BICD1: variants seen among roughly 807,000 people sequenced by gnomAD.
BICD1 encodes the protein protein bicaudal D homolog 1.
BICD1 carries 35 observed loss-of-function variants against 92.5 expected under a neutral mutation model. The ratio of observed to expected loss-of-function variants is 0.38; its 90% CI spans 0.29 to 0.50. The LOEUF is 0.50. Among genes scored for constraint, BICD1 ranks in the 20% least tolerant of loss-of-function variants. The pLI, the probability that BICD1 is intolerant of heterozygous loss-of-function variation, is 0.93. For missense variants in BICD1, 950 were observed against 1,189.8 expected (o/e 0.80, Z 2.97); for synonymous variants, 429 against 465.1 (o/e 0.92, Z 1.00).
intron 1 of BICD1, among the ~76,000 whole-genome samples, chr12:32,131,265 T>A (rs1723969610): frequency 6.6e-6 from 1 of 152,218 alleles, no homozygotes; most frequent in Non-Finnish European, 1.5e-5. Context: ...AAAGTGTGAT[T>A]TTTTTAAAAA....
intron 2 of BICD1, among the ~76,000 whole-genome samples, chr12:32,270,361 T>C (rs1177715214): frequency 1.3e-5 from 2 of 152,146 alleles, no homozygotes; most frequent in South Asian, 2.1e-4. Flanking sequence ...ATCAGTTTCA[T>C]TTTTTCTGGA....
intron 3 of BICD1, among the ~76,000 whole-genome samples, chr12:32,300,946 C>T (rs1209650515): frequency 2.6e-5 from 4 of 152,218 alleles, no homozygotes; most frequent in South Asian, 2.1e-4. Flanking sequence ...TCACTGCGCC[C>T]GGCCCAACTT....
intron 1 of BICD1, among the ~76,000 whole-genome samples, chr12:32,167,049 T>C (rs2121513332): frequency 6.6e-6 from 1 of 152,354 alleles, no homozygotes; most frequent in South Asian, 2.1e-4. Flanking sequence ...ATTTTAAATT[T>C]TTCCACCATA....
chr12:32,134,099 A>AAC (rs1487838178), intron 1 of BICD1, among the ~76,000 whole-genome samples: 7 of 152,136 alleles, frequency 4.6e-5, no homozygotes, highest in Non-Finnish European at 7.4e-5. Context: ...GTACTTTTTA[A>AAC]ACCAAAGTTA....
intron 1 of BICD1, among the ~76,000 whole-genome samples, chr12:32,205,480 A>G (rs1192692452): frequency 1.3e-5 from 2 of 151,986 alleles, no homozygotes; most frequent in African/African-American, 2.4e-5. Flanking sequence ...ATTATTTCCT[A>G]CAGATCTGCA....
At chr12:32,166,765 T>C (rs892680692) in intron 1 of BICD1, among the ~76,000 whole-genome samples, 11 of 152,190 alleles carry the variant, frequency 7.2e-5, no homozygotes, top group African/African-American at 1.7e-4. Context: ...CTGTACCGTA[T>C]GTAGTCCCAG....
At chr12:32,243,741 T>A (rs1946298744) in intron 2 of BICD1, among the ~76,000 whole-genome samples, 1 of 152,192 alleles carries the variant, frequency 6.6e-6, no homozygotes, top group Non-Finnish European at 1.5e-5. Flanking sequence ...GAGTGCCCTT[T>A]AAGCAGAGAA....
rs548757188 is a variant in BICD1, at chr12:32,114,977, T to C, written c.213+7433T>C. Among the ~76,000 whole-genome samples, 23 of 152,316 alleles carry C rather than the reference T, an allele frequency of 1.5e-4. No homozygotes were observed. The East Asian group carries it at 4.2e-3, about 28-fold the overall frequency. On this transcript the variant is annotated intron_variant, in intron 1 of 9. Transcript: ENST00000652176. ...AATCTTATTTAATCTTTATTGAAGA[T>C]GCATTAGCATTTTTAATTTAAGTGG...
chr12:32,147,163 C>G (rs1413164488), intron 1 of BICD1, among the ~76,000 whole-genome samples: 3 of 152,058 alleles, frequency 2.0e-5, no homozygotes, highest in Non-Finnish European at 2.9e-5. Context: ...TAATCTTGAA[C>G]TCAAGTGATC....
intron 1 of BICD1, among the ~76,000 whole-genome samples, chr12:32,196,031 C>T (rs1173291537): frequency 6.6e-6 from 1 of 152,130 alleles, no homozygotes; most frequent in African/African-American, 2.4e-5. Flanking sequence ...GGCTGACAGA[C>T]ATGTGAAAAG....
At chr12:32,372,166 T>C (rs1049203211) in intron 9 of BICD1, among the ~76,000 whole-genome samples, 4 of 152,214 alleles carry the variant, frequency 2.6e-5, no homozygotes, top group Non-Finnish European at 4.4e-5. Flanking sequence ...ACATCAGGTG[T>C]TCTGTTTCTC....
chr12:32,107,809 GTC>G (rs1941542872), intron 1 of BICD1: 1 of 696,894 alleles, frequency 1.4e-6, no homozygotes, highest in Non-Finnish European at 2.6e-6. Context: ...GAGTCATCAA[GTC>G]TCAGCACTCT....
intron 1 of BICD1, among the ~76,000 whole-genome samples, chr12:32,127,353 A>G (rs994438837): frequency 1.3e-5 from 2 of 152,012 alleles, no homozygotes; most frequent in Admixed American, 1.3e-4. Flanking sequence ...TCTAATTTAA[A>G]TTTTTTCCCA....
chr12:32,293,875 C>T, intron 2 of BICD1, 119 bp from the exon 3 acceptor site: 2 of 1,009,822 alleles, frequency 2.0e-6, no homozygotes, highest in South Asian at 1.8e-5. Context: ...CGAAAAAATG[C>T]AGTAACAATT....
intron 2 of BICD1, among the ~76,000 whole-genome samples, chr12:32,220,787 A>G (rs1945493568): frequency 7.3e-6 from 1 of 136,158 alleles, no homozygotes; most frequent in Admixed American, 7.8e-5. Context: ...ATAAAGACAC[A>G]TGCACACGTA....
intron 3 of BICD1, among the ~76,000 whole-genome samples, chr12:32,294,707 C>T (rs1361111780): frequency 6.6e-6 from 1 of 151,512 alleles, no homozygotes; most frequent in East Asian, 1.9e-4. Flanking sequence ...GTCTCTCACT[C>T]CCTTAAAATT....
At chr12:32,122,895 C>T (rs777309418) in intron 1 of BICD1, among the ~76,000 whole-genome samples, 8 of 152,268 alleles carry the variant, frequency 5.3e-5, no homozygotes, top group South Asian at 4.1e-4. Flanking sequence ...CAAAGTAATG[C>T]TGTGAGCAGA....
Position 32,107,216 on chromosome 12 carries a change from C to G in BICD1, c.-116C>G. The stretch of plus-strand genomic sequence containing the variant: ...GCATCGCGCTGCTCATTCATCCGGC[C>G]GCACTTTCTTTTCCGTTTCCACCCA... On this transcript the variant is annotated 5_prime_UTR_variant, in exon 1 of 10. Coordinates refer to ENST00000652176, the MANE Select transcript of BICD1 (RefSeq NM_001714.4). 1 of 1,004,482 alleles carries G rather than the reference C, an allele frequency of 1.0e-6. No individual in the cohort carries two copies. Among genetic ancestry groups the G allele is most frequent in the Non-Finnish European group, 1.5e-6 (1 of 688,370 alleles). 62.2% of individuals were successfully genotyped at this position (1,004,482 alleles called of 1,614,324 possible).
At chr12:32,248,058 GA>G (rs2136098400) in intron 2 of BICD1, among the ~76,000 whole-genome samples, 1 of 152,210 alleles carries the variant, frequency 6.6e-6, no homozygotes, top group South Asian at 2.1e-4. Context: ...ACTCCAGCCT[GA>G]GTGACAGAGC....
Sources: allele counts gnomAD v4.1 joint callset (sites outside exome capture counted in the v4.1 genomes callset), GRCh38; gene constraint gnomAD v4.1.1; transcripts MANE v1.5; gene names NCBI Gene and HGNC (gene_info 2026-07-23, HGNC 2026-07-21).